Variants in CNTNAP2 observed in about 807,000 individuals in gnomAD.
The protein encoded by CNTNAP2 is contactin-associated protein-like 2.
In CNTNAP2, 98 loss-of-function variants were observed where a neutral mutation model predicts 155.2. The ratio of observed to expected loss-of-function variants is 0.63; its 90% CI spans 0.54 to 0.75. The LOEUF (loss-of-function observed/expected upper bound fraction) is 0.75. Ranked by LOEUF, CNTNAP2 falls within the 30% of genes least tolerant of loss-of-function variation. The pLI is 0.00. For missense variants in CNTNAP2, 1,727 were observed against 1,688.1 expected (o/e 1.02, Z -0.40); for synonymous variants, 651 against 631.2 (o/e 1.03, Z -0.47).
At chr7:147,784,381 CATATATATATATATATAT>C (rs60221349) in intron 13 of CNTNAP2, among the ~76,000 whole-genome samples, 1 of 99,314 alleles carries the variant, frequency 1.0e-5, no homozygotes, top group African/African-American at 3.4e-5. Context: ...AAACTAAAAA[CATATATATATATATATAT>C]ATATATATGT....
chr7:147,472,844 ATG>A (rs1297518340), intron 10 of CNTNAP2, among the ~76,000 whole-genome samples: 1 of 152,220 alleles, frequency 6.6e-6, no homozygotes, highest in African/African-American at 2.4e-5. Context: ...ATCCAAAGAT[ATG>A]TTTGATCATA....
chr7:148,214,865 C>T (rs554170819), intron 18 of CNTNAP2, among the ~76,000 whole-genome samples: 24 of 152,258 alleles, frequency 1.6e-4, no homozygotes, highest in African/African-American at 4.6e-4. Flanking sequence ...CACCGCGCCC[C>T]GCCCAGGAGA....
At chr7:146,179,490 C>T (rs1008920523) in intron 1 of CNTNAP2, among the ~76,000 whole-genome samples, 1 of 152,098 alleles carries the variant, frequency 6.6e-6, no homozygotes, top group Non-Finnish European at 1.5e-5. Flanking sequence ...GCCTTAAACA[C>T]AGTTTTCTAT....
At chr7:146,298,700 T>C (rs1800554586) in intron 1 of CNTNAP2, among the ~76,000 whole-genome samples, 1 of 152,248 alleles carries the variant, frequency 6.6e-6, no homozygotes, top group Admixed American at 6.5e-5. Context: ...AGCATGTTTT[T>C]GAATGCATGT....
chr7:146,455,043 A>G (rs1344696480), intron 1 of CNTNAP2, among the ~76,000 whole-genome samples: 1 of 152,000 alleles, frequency 6.6e-6, no homozygotes, highest in East Asian at 1.9e-4. Flanking sequence ...TGCTGTTACC[A>G]CCATCTGGAG....
intron 11 of CNTNAP2, among the ~76,000 whole-genome samples, chr7:147,508,880 C>G (rs1161308432): frequency 2.6e-5 from 4 of 152,174 alleles, no homozygotes; most frequent in African/African-American, 4.8e-5. Flanking sequence ...CATTAAACCT[C>G]TTTTTCTTTA....
chr7:146,461,474 G>T (rs1796636599), intron 1 of CNTNAP2, among the ~76,000 whole-genome samples: 1 of 151,932 alleles, frequency 6.6e-6, no homozygotes, highest in South Asian at 2.1e-4. Context: ...AAGAAATTTA[G>T]TAAGAAGATA....
intron 13 of CNTNAP2, among the ~76,000 whole-genome samples, chr7:147,754,292 C>T (rs1797184317): frequency 6.6e-6 from 1 of 152,038 alleles, no homozygotes; most frequent in South Asian, 2.1e-4. Context: ...GGCACCAATT[C>T]ATCATCATCT....
chr7:146,690,351 G>A lies in CNTNAP2; in HGVS notation c.98-83920G>A, dbSNP rs58134954. Among the ~76,000 whole-genome samples the A allele has an allele frequency of 2.2e-3, 341 of 152,222 alleles. 5 individuals carry two copies. Among genetic ancestry groups the A allele is most frequent in the African/African-American group, 7.7e-3 (321 of 41,540 alleles). On this transcript the variant is annotated intron_variant, in intron 1 of 23. Transcript: ENST00000361727. ...TCTCCAGTGATTGGTCACTGCACAT[G>A]TATAATTTGTATAATTCAGTTTATG...
intron 21 of CNTNAP2, among the ~76,000 whole-genome samples, chr7:148,356,052 T>G (rs1196143739): frequency 6.6e-6 from 1 of 152,224 alleles, no homozygotes; most frequent in African/African-American, 2.4e-5. Flanking sequence ...GACAATTCTG[T>G]GCACATATGG....
chr7:147,400,159 A>C (rs11771144), intron 10 of CNTNAP2, among the ~76,000 whole-genome samples: 26,644 of 151,682 alleles, frequency 0.18, 2,958 homozygotes, highest in Non-Finnish European at 0.25. Context: ...CTTCAGAAAC[A>C]CTCCTTTAGC....
intron 3 of CNTNAP2, among the ~76,000 whole-genome samples, chr7:146,928,544 G>A (rs1796662641): frequency 6.6e-6 from 1 of 152,192 alleles, no homozygotes; most frequent in African/African-American, 2.4e-5. Context: ...TCCATCTGAG[G>A]TACCAGGTTC....
At chr7:146,365,501 G>A (rs1203762144) in intron 1 of CNTNAP2, among the ~76,000 whole-genome samples, 2 of 152,104 alleles carry the variant, frequency 1.3e-5, no homozygotes, top group Non-Finnish European at 2.9e-5. Flanking sequence ...AGATACATGT[G>A]TCTTTACTTT....
At chr7:147,132,010 GA>G (rs1355065690) in intron 7 of CNTNAP2, among the ~76,000 whole-genome samples, 4 of 152,010 alleles carry the variant, frequency 2.6e-5, no homozygotes, top group Non-Finnish European at 4.4e-5. Flanking sequence ...TCCCATGGTG[GA>G]AGCTGCTTGT....
At chr7:148,252,228 T>G (rs952536241) in intron 20 of CNTNAP2, among the ~76,000 whole-genome samples, 1 of 152,226 alleles carries the variant, frequency 6.6e-6, no homozygotes, top group African/African-American at 2.4e-5. Context: ...TAATACATTC[T>G]TTCTCTCAAG....
intron 13 of CNTNAP2, among the ~76,000 whole-genome samples, chr7:147,853,045 A>G (rs1335439698): frequency 6.6e-6 from 1 of 152,214 alleles, no homozygotes; most frequent in African/African-American, 2.4e-5. Context: ...AGGGCTTGTC[A>G]ATAAAGTGTC....
At chr7:147,547,053 G>A (rs1232513774) in intron 11 of CNTNAP2, among the ~76,000 whole-genome samples, 1 of 152,116 alleles carries the variant, frequency 6.6e-6, no homozygotes, top group Non-Finnish European at 1.5e-5. Context: ...AAGAGGTGGG[G>A]CCAAAAGGAT....
chr7:147,442,778 A>G (rs73475149), intron 10 of CNTNAP2, among the ~76,000 whole-genome samples: 2,883 of 152,160 alleles, frequency 0.019, 99 homozygotes, highest in African/African-American at 0.066. Context: ...TCTCTGGCCC[A>G]GGGTATGTCT....
intron 1 of CNTNAP2, among the ~76,000 whole-genome samples, chr7:146,231,166 G>T (rs934873072): frequency 1.3e-4 from 20 of 152,158 alleles, no homozygotes; most frequent in African/African-American, 3.9e-4. Flanking sequence ...ACATTCACTA[G>T]GATTACCTCA....
Sources: allele counts gnomAD v4.1 joint callset (sites outside exome capture counted in the v4.1 genomes callset), GRCh38; gene constraint gnomAD v4.1.1; transcripts MANE v1.5; gene names NCBI Gene and HGNC (gene_info 2026-07-23, HGNC 2026-07-21).